The following CSMD2 variants were observed in gnomAD, a reference collection of about 807,000 sequenced individuals.
CSMD2 encodes CUB and Sushi multiple domains 2, also known as CUB and sushi domain-containing protein 2.
A neutral mutation model predicts 398.5 loss-of-function variants in CSMD2; 130 were observed. That is an observed-to-expected ratio of 0.33 (90% CI 0.28 to 0.38). The LOEUF is 0.38. Ranked by LOEUF, CSMD2 falls within the 10% of genes least tolerant of loss-of-function variation. The pLI is 1.00. For synonymous variants in CSMD2, 1,828 were observed against 1,908.5 expected (o/e 0.96, Z 1.10); for missense variants, 3,829 against 4,764.9 (o/e 0.80, Z 5.78).
chr1:33,957,104 C>G (rs1194200002), intron 3 of CSMD2, among the ~76,000 whole-genome samples: 1 of 151,986 alleles, frequency 6.6e-6, no homozygotes, highest in African/African-American at 2.4e-5. Flanking sequence ...CAGAAGCCCA[C>G]AGGTCCTCTC....
At chr1:34,132,997 T>C (rs1258772353) in intron 1 of CSMD2, among the ~76,000 whole-genome samples, 4 of 150,582 alleles carry the variant, frequency 2.7e-5, no homozygotes. Flanking sequence ...ATTTCTCTGG[T>C]GAACCTTGAC....
chr1:33,711,256 G>A (rs1645978536), intron 21 of CSMD2, among the ~76,000 whole-genome samples: 1 of 152,150 alleles, frequency 6.6e-6, no homozygotes, highest in African/African-American at 2.4e-5. Context: ...CATATCACAT[G>A]GGCAGCCTTC....
intron 3 of CSMD2, among the ~76,000 whole-genome samples, chr1:33,989,040 A>C (rs1229890548): frequency 5.9e-4 from 27 of 45,880 alleles, no homozygotes; most frequent in African/African-American, 1.8e-3. Flanking sequence ...ATATATATAT[A>C]TATATATATA....
At chr1:34,135,616 C>CAAAAAAAAAAAAAAAAAAAAAAA (rs55936483) in intron 1 of CSMD2, among the ~76,000 whole-genome samples, 1 of 82,618 alleles carries the variant, frequency 1.2e-5, no homozygotes, top group Non-Finnish European at 2.3e-5. Flanking sequence ...GACTCCATCT[C>CAAAAAAAAAAAAAAAAAAAAAAA]AAAAAAAAAA....
chr1:34,086,760 G>T (rs1657929471), intron 2 of CSMD2, among the ~76,000 whole-genome samples: 1 of 152,130 alleles, frequency 6.6e-6, no homozygotes, highest in African/African-American at 2.4e-5. Context: ...CGATGGCAAA[G>T]GCCTGTCACA....
intron 2 of CSMD2, among the ~76,000 whole-genome samples, chr1:34,067,657 T>C (rs752765720): frequency 9.2e-5 from 14 of 152,224 alleles, no homozygotes; most frequent in Non-Finnish European, 1.3e-4. Context: ...CTGATTTGCA[T>C]GTGTGTGAAA....
chr1:33,984,864 C>A (rs11810123), intron 3 of CSMD2, among the ~76,000 whole-genome samples: 34,394 of 118,572 alleles, frequency 0.29, 4,691 homozygotes, highest in Non-Finnish European at 0.35. Context: ...GGAAGGAAGG[C>A]AGGCAGGCAG....
At chr1:33,742,581 C>G (rs12120242) in intron 14 of CSMD2, among the ~76,000 whole-genome samples, 31,910 of 109,426 alleles carry the variant, frequency 0.29, 4,819 homozygotes, top group South Asian at 0.52. Context: ...GCTTCTGCCC[C>G]CCCCCCCCCA....
At chr1:33,669,551 T>C (rs1644423654) in intron 25 of CSMD2, among the ~76,000 whole-genome samples, 1 of 152,220 alleles carries the variant, frequency 6.6e-6, no homozygotes, top group Admixed American at 6.5e-5. Flanking sequence ...CCTTTACTGA[T>C]TTCCTTCTTA....
chr1:33,956,295 T>C (rs1022351964), intron 3 of CSMD2, among the ~76,000 whole-genome samples: 1 of 151,726 alleles, frequency 6.6e-6, no homozygotes, highest in Non-Finnish European at 1.5e-5. Flanking sequence ...AAACTGAAAC[T>C]GTACCCACTA....
chr1:34,147,408 A>G (rs921585075), intron 1 of CSMD2, among the ~76,000 whole-genome samples: 15 of 148,728 alleles, frequency 1.0e-4, no homozygotes, highest in Non-Finnish European at 1.6e-4. Context: ...AGGGAGGAGG[A>G]TGGTCAGAAG....
Position 33,999,354 on chromosome 1 carries a change from AG to A in CSMD2, c.517+33239del, listed in dbSNP as rs535915428. On this transcript the variant is annotated intron_variant, in intron 3 of 70. Transcript: ENST00000373381. ...ATGTCTCAAGGTTGAGCTTGCATCC[AG>A]GTGTATGGTAACTAGATACTTTTTA... is the stretch of plus-strand genomic sequence containing the variant. 2.0e-4 allele frequency among the ~76,000 whole-genome samples: 31 copies of A among 152,298 alleles called. No individual in the cohort carries two copies. In the South Asian group the frequency reaches 5.8e-3, roughly 29 times the overall value.
At chr1:33,765,473 G>A (rs1195256735) in intron 13 of CSMD2, among the ~76,000 whole-genome samples, 1 of 152,004 alleles carries the variant, frequency 6.6e-6, no homozygotes, top group Non-Finnish European at 1.5e-5. Flanking sequence ...AAATCAAAAG[G>A]GAAATGAATT....
chr1:33,988,687 C>A (rs957023343), intron 3 of CSMD2, among the ~76,000 whole-genome samples: 2 of 151,738 alleles, frequency 1.3e-5, no homozygotes, highest in African/African-American at 4.8e-5. Flanking sequence ...CCTGACATGT[C>A]ACAGAAACTC....
chr1:34,088,054 T>C (rs1571070158), intron 2 of CSMD2, among the ~76,000 whole-genome samples: 1 of 152,218 alleles, frequency 6.6e-6, no homozygotes, highest in African/African-American at 2.4e-5. Context: ...GGCTGAAGAC[T>C]GTGCAGTAAA....
Position 33,725,541 on chromosome 1 carries a change from C to T in CSMD2, c.2508-5G>A, listed in dbSNP as rs376457052. 3 of 1,613,452 alleles carry T rather than the reference C, an allele frequency of 1.9e-6. No homozygotes were observed. Among genetic ancestry groups the T allele is most frequent in the African/African-American group, 1.3e-5 (1 of 74,878 alleles). ...TAGTTGACCTCGGTTTTGAATCTGC[C>T]AAATGACAGAAATGAAGCCTTCTTG... On this transcript the variant is annotated splice_polypyrimidine_tract_variant and splice_region_variant and intron_variant, in intron 16 of 70. Transcript: ENST00000373381.
intron 3 of CSMD2, among the ~76,000 whole-genome samples, chr1:33,954,412 A>T (rs2125377897): frequency 6.6e-6 from 1 of 151,622 alleles, no homozygotes. Flanking sequence ...TGGTGGGGGG[A>T]GGGAACACTG....
At chr1:34,026,838 T>C (rs369070651) in intron 3 of CSMD2, among the ~76,000 whole-genome samples, 1 of 152,084 alleles carries the variant, frequency 6.6e-6, no homozygotes, top group Non-Finnish European at 1.5e-5. Context: ...GTGGGGAAGA[T>C]GCAGGCTTCC....
At chr1:34,095,504 G>A (rs1247525220) in intron 1 of CSMD2, among the ~76,000 whole-genome samples, 2 of 151,272 alleles carry the variant, frequency 1.3e-5, no homozygotes, top group Non-Finnish European at 3.0e-5. Context: ...AAAATAGATA[G>A]ACCGCTAGCA....
Sources: allele counts gnomAD v4.1 joint callset (sites outside exome capture counted in the v4.1 genomes callset), GRCh38; gene constraint gnomAD v4.1.1; transcripts MANE v1.5; gene names NCBI Gene and HGNC (gene_info 2026-07-23, HGNC 2026-07-21).